Variants in LRRC7 observed in about 807,000 individuals in gnomAD.
LRRC7 encodes the protein leucine-rich repeat-containing protein 7.
A neutral mutation model predicts 175.7 loss-of-function variants in LRRC7; 23 were observed. The ratio of observed to expected loss-of-function variants is 0.13; its 90% CI spans 0.09 to 0.19. LRRC7 has a LOEUF of 0.19. LRRC7 is among the 10% of genes least tolerant of loss of function. The pLI, the probability that LRRC7 is intolerant of heterozygous loss-of-function variation, is 1.00. For synonymous variants in LRRC7, 685 were observed against 680.9 expected (o/e 1.01, Z -0.09); for missense variants, 1,354 against 1,904.7 (o/e 0.71, Z 5.38).
chr1:69,721,872 T>G (rs1666390373), intron 2 of LRRC7, among the ~76,000 whole-genome samples: 1 of 151,928 alleles, frequency 6.6e-6, no homozygotes, highest in East Asian at 1.9e-4. Flanking sequence ...ATACATAAAA[T>G]ACAATTTACC....
intron 1 of LRRC7, among the ~76,000 whole-genome samples, chr1:69,673,301 T>C (rs1465748280): frequency 6.6e-6 from 1 of 152,210 alleles, no homozygotes; most frequent in East Asian, 1.9e-4. Flanking sequence ...ATGGACACTT[T>C]TTGCTTATAA....
At chr1:69,755,908 T>C (rs1670371963) in intron 2 of LRRC7, among the ~76,000 whole-genome samples, 1 of 151,922 alleles carries the variant, frequency 6.6e-6, no homozygotes, top group Admixed American at 6.6e-5. Flanking sequence ...CATTCTTCAG[T>C]ATAGGAAGAC....
chr1:69,734,985 A>G (rs1228191562), intron 2 of LRRC7, among the ~76,000 whole-genome samples: 1 of 151,958 alleles, frequency 6.6e-6, no homozygotes, highest in Non-Finnish European at 1.5e-5. Flanking sequence ...AATAGGAAAA[A>G]AAAACCACCT....
intron 7 of LRRC7, among the ~76,000 whole-genome samples, chr1:69,893,795 A>C (rs1228055579): frequency 6.8e-6 from 1 of 147,936 alleles, no homozygotes; most frequent in African/African-American, 2.4e-5. Context: ...TTTAATACAA[A>C]ATTTCTCATA....
Position 70,122,647 on chromosome 1 carries a change from G to A in LRRC7, c.*760G>A, listed in dbSNP as rs1373980869. 6.6e-6 allele frequency: 1 copy of A among 152,058 alleles called. No individual in the cohort carries two copies. The highest frequency in any genetic ancestry group is 1.5e-5 in the Non-Finnish European group (1 of 67,940). 9.4% of individuals were successfully genotyped at this position (152,058 alleles called of 1,614,324 possible). ...CCTTTAGCTAATTACAATACATGCAGAGTTTAGAAACAGACTAAAGGTCAT... is the reference window on the plus strand; with the variant it reads ...CCTTTAGCTAATTACAATACATGCAAAGTTTAGAAACAGACTAAAGGTCAT... On this transcript the variant is annotated 3_prime_UTR_variant, in exon 27 of 27. Transcript: ENST00000651989.
chr1:69,834,897 A>G lies in LRRC7; in HGVS notation c.590+28A>G, dbSNP rs368499446. ...AAGAATAAGAAATTTAAATTATGCA[A>G]TTATATCTCACCTTAGGTAAGTGCT... is the stretch of plus-strand genomic sequence containing the variant. On this transcript the variant is annotated intron_variant, in intron 6 of 26. Transcript: ENST00000651989. 4 of 1,553,812 alleles carry G rather than the reference A, an allele frequency of 2.6e-6. No homozygotes were observed. The African/African-American group carries it at 5.4e-5, about 21-fold the overall frequency.
Position 69,982,240 on chromosome 1 carries a change from C to T in LRRC7, c.786+1787C>T, listed in dbSNP as rs573008604. Among the ~76,000 whole-genome samples the T allele has an allele frequency of 2.6e-5, 4 of 152,314 alleles. No homozygotes were observed. In the South Asian group the frequency reaches 8.3e-4, roughly 32 times the overall value. ...CTCGAGAGTAGATGTTTCATATGTACTGCTAGCTTTATATAGATTCCTTAC... is the reference window on the plus strand; with the variant it reads ...CTCGAGAGTAGATGTTTCATATGTATTGCTAGCTTTATATAGATTCCTTAC... On this transcript the variant is annotated intron_variant, in intron 9 of 26. Coordinates refer to ENST00000651989, the MANE Select transcript of LRRC7 (RefSeq NM_001370785.2).
chr1:69,687,717 T>A (rs1470957598), intron 2 of LRRC7, among the ~76,000 whole-genome samples: 2 of 152,100 alleles, frequency 1.3e-5, no homozygotes, highest in African/African-American at 4.8e-5. Context: ...TGGTCCCTTT[T>A]TTTTACCCTT....
intron 23 of LRRC7, among the ~76,000 whole-genome samples, chr1:70,073,920 G>A (rs545029346): frequency 1.9e-4 from 29 of 152,344 alleles, no homozygotes; most frequent in South Asian, 8.3e-4. Context: ...AGCGGCACAG[G>A]CCAGGCACTG....
intron 11 of LRRC7, among the ~76,000 whole-genome samples, chr1:69,995,009 A>C (rs1654796277): frequency 6.6e-6 from 1 of 152,134 alleles, no homozygotes; most frequent in East Asian, 1.9e-4. Context: ...CAATTTTTAT[A>C]AGGCTCTGCA....
intron 1 of LRRC7, among the ~76,000 whole-genome samples, chr1:69,605,160 C>A (rs1647325990): frequency 6.6e-6 from 1 of 152,076 alleles, no homozygotes; most frequent in Admixed American, 6.6e-5. Context: ...CGGGTCTTTG[C>A]CATGCTGTTC....
chr1:69,755,947 A>G (rs1670375459), intron 2 of LRRC7, among the ~76,000 whole-genome samples: 1 of 151,946 alleles, frequency 6.6e-6, no homozygotes, highest in African/African-American at 2.4e-5. Flanking sequence ...ATTTGTGGAC[A>G]ACCTTTACCA....
intron 2 of LRRC7, among the ~76,000 whole-genome samples, chr1:69,707,754 T>C (rs938527163): frequency 6.6e-6 from 1 of 152,058 alleles, no homozygotes; most frequent in South Asian, 2.1e-4. Flanking sequence ...GTCTTGGAGG[T>C]AGGTAAAGTT....
intron 7 of LRRC7, among the ~76,000 whole-genome samples, chr1:69,852,223 T>C (rs1259899104): frequency 6.6e-6 from 1 of 152,148 alleles, no homozygotes; most frequent in Non-Finnish European, 1.5e-5. Flanking sequence ...AAGAAGACTG[T>C]AACTTGTAAA....
At position 69,882,775 on chromosome 1, in the gene LRRC7, C is replaced by G. The variant is rs1455575491; in HGVS notation, c.647+44492C>G. Among the ~76,000 whole-genome samples the G allele has an allele frequency of 2.4e-5, 3 of 125,532 alleles. No individual in the cohort carries two copies. The East Asian group carries it at 8.3e-4, about 35-fold the overall frequency. The allele number at this position is 125,532 out of a possible 152,430, so 82.4% of individuals were successfully genotyped here. A position where few individuals can be genotyped will look rare whatever the true frequency, so the allele number is the denominator to read the frequency against. On this transcript the variant is annotated intron_variant, in intron 7 of 26. Transcript: ENST00000651989. ...GCTATCCCTCCCCCGCCCCCCACCC[C>G]ACCACAGTATCCAGAGTGTGATATT...
intron 7 of LRRC7, among the ~76,000 whole-genome samples, chr1:69,887,608 T>G (rs1047888566): frequency 6.6e-6 from 1 of 152,222 alleles, no homozygotes; most frequent in African/African-American, 2.4e-5. Flanking sequence ...GAAGCCTTCT[T>G]CTCTCAGCTC....
intron 15 of LRRC7, 152 bp from the exon 16 acceptor site, chr1:70,020,853 C>G (rs1238410900): frequency 3.9e-6 from 2 of 513,974 alleles, no homozygotes; most frequent in East Asian, 4.2e-5. Flanking sequence ...TTATTCTTTT[C>G]TCTTTCCTTC....
chr1:69,748,820 G>T (rs1302480661), intron 2 of LRRC7, among the ~76,000 whole-genome samples: 3 of 152,062 alleles, frequency 2.0e-5, no homozygotes, highest in Non-Finnish European at 2.9e-5. Flanking sequence ...GACTACTTCT[G>T]CTCTGCTCTT....
intron 3 of LRRC7, among the ~76,000 whole-genome samples, chr1:69,788,231 A>T (rs1674716110): frequency 6.6e-6 from 1 of 152,202 alleles, no homozygotes; most frequent in Non-Finnish European, 1.5e-5. Context: ...CCACCAGAAC[A>T]AAAGCTAAAT....
Sources: gnomAD v4.1 joint callset for allele counts (sites outside exome capture counted in the v4.1 genomes callset) on GRCh38, gnomAD v4.1.1 for gene constraint, MANE v1.5 for transcripts, NCBI Gene and HGNC (gene_info 2026-07-23, HGNC 2026-07-21) for gene names.